Variants in NLRC4 observed in about 807,000 individuals in gnomAD.
The protein encoded by NLRC4 is NLR family CARD domain containing 4, also known as NLR family CARD domain-containing protein 4.
Under a neutral mutation model 79.9 loss-of-function variants are expected in NLRC4, and 63 were observed. The ratio of observed to expected loss-of-function variants is 0.79; its 90% CI spans 0.64 to 0.97. NLRC4 has a LOEUF of 0.97. Among genes scored for constraint, NLRC4 ranks in the 50% least tolerant of loss-of-function variants. The probability of loss-of-function intolerance (pLI) is 0.00; values close to 1 mark genes in which losing one functional copy is unlikely to be tolerated. For synonymous variants in NLRC4, 461 were observed against 456.5 expected, an observed-to-expected ratio of 1.01 and a Z score of -0.12; for missense variants, 1,074 against 1,215.2, an observed-to-expected ratio of 0.88 and a Z score of 1.73.
intron 8 of NLRC4, among the ~76,000 whole-genome samples, chr2:32,233,175 A>G (rs1573471617): frequency 1.2e-5 from 1 of 82,644 alleles, no homozygotes; most frequent in African/African-American, 4.9e-5. Flanking sequence ...GAAGGAAGGA[A>G]GGAAGGAAGG....
At chr2:32,226,678 T>G (rs930801103) in intron 8 of NLRC4, among the ~76,000 whole-genome samples, 4 of 152,166 alleles carry the variant, frequency 2.6e-5, no homozygotes, top group Admixed American at 6.5e-5. Context: ...GTCAGGAGTT[T>G]GAGACCAGCC....
chr2:32,232,173 T>A (rs1686553746), intron 8 of NLRC4, among the ~76,000 whole-genome samples: 1 of 152,204 alleles, frequency 6.6e-6, no homozygotes, highest in African/African-American at 2.4e-5. Context: ...TCACCACTGT[T>A]AATGTTGACC....
chr2:32,249,830 T>C lies in NLRC4; in HGVS notation c.2034A>G (p.Arg678=). 1.2e-6 allele frequency: 2 copies of C among 1,614,230 alleles called. No homozygotes were observed. Among genetic ancestry groups the C allele is most frequent in the Non-Finnish European group, 1.7e-6 (2 of 1,180,034 alleles). ...CAGAGCTGAATATTTTCCCCAGATA[T>C]CTGATATCTTGCTTATTCAACTTGC... ...DFSKLNKQDI[R]YLGKIFSSAT... is the part of the protein sequence containing the mutation. Residue 678 remains arginine, a synonymous_variant, in exon 4 of 9, where the codon AGA becomes AGG. Transcript: ENST00000402280.
chr2:32,256,853 C>G lies in NLRC4; in HGVS notation c.-78G>C. The G allele has an allele frequency of 1.3e-6, 1 of 763,214 alleles. No homozygotes were observed. The allele number at this position is 763,214 out of a possible 1,614,324, so 47.3% of individuals were successfully genotyped here. On this transcript the variant is annotated 5_prime_UTR_variant, in exon 2 of 9. Coordinates refer to ENST00000402280, the MANE Select transcript of NLRC4 (RefSeq NM_001199138.2). The stretch of plus-strand genomic sequence containing the variant: ...TCCAAATGGAAAGGTCAAAGGTGAT[C>G]CCAATATTGTCCTCTTTTTTCTGTA...
At chr2:32,259,296 CAG>C (rs1687284379) in intron 1 of NLRC4, among the ~76,000 whole-genome samples, 1 of 46,576 alleles carries the variant, frequency 2.1e-5, no homozygotes, top group Non-Finnish European at 4.1e-5. Context: ...TTTTTAGAGA[CAG>C]AGTTTTGCCG....
At chr2:32,260,187 C>T (rs1558463319) in intron 1 of NLRC4, among the ~76,000 whole-genome samples, 3 of 140,214 alleles carry the variant, frequency 2.1e-5, no homozygotes, top group Non-Finnish European at 4.5e-5. Context: ...CAAGATCGTG[C>T]CACCACACTC....
At chr2:32,228,886 C>T (rs529332221) in intron 8 of NLRC4, among the ~76,000 whole-genome samples, 1 of 152,080 alleles carries the variant, frequency 6.6e-6, no homozygotes, top group African/African-American at 2.4e-5. Flanking sequence ...GCCAACTCAG[C>T]TTCCCGTATA....
intron 4 of NLRC4, among the ~76,000 whole-genome samples, chr2:32,248,250 GC>G (rs1203279291): frequency 3.3e-5 from 5 of 151,808 alleles, no homozygotes; most frequent in Admixed American, 6.6e-5. Flanking sequence ...AAAATCCTAA[GC>G]CCCCCACCAA....
chr2:32,251,535 T>C lies in NLRC4; in HGVS notation c.329A>G (p.His110Arg). ...DLAQDLKDLY[H>R]TPSFLNFYPL... Reference sequence around the variant, plus strand: ...ATAAAAGTTCAGAAAAGATGGGGTATGGTACAAGTCCTTTAAATCCTGAGC... The same window carrying C: ...ATAAAAGTTCAGAAAAGATGGGGTACGGTACAAGTCCTTTAAATCCTGAGC... The change falls in exon 4 of 9, where the codon CAT becomes CGT. Residue 110 changes from histidine (H) to arginine (R), a missense_variant. By Grantham distance (29) the His-to-Arg change is conservative. Coordinates refer to ENST00000402280, the MANE Select transcript of NLRC4 (RefSeq NM_001199138.2). 6.2e-7 allele frequency: 1 copy of C among 1,613,994 alleles called. No individual in the cohort carries two copies. The highest frequency in any genetic ancestry group is 8.5e-7 in the Non-Finnish European group (1 of 1,179,870).
At chr2:32,247,462 G>C (rs1440017387) in intron 4 of NLRC4, among the ~76,000 whole-genome samples, 2 of 151,198 alleles carry the variant, frequency 1.3e-5, no homozygotes, top group Non-Finnish European at 3.0e-5. Flanking sequence ...CTACAGGCAT[G>C]TGCCACCACG....
intron 6 of NLRC4, 144 bp downstream of exon 6, chr2:32,237,988 C>T (rs1170184005): frequency 2.0e-6 from 1 of 512,130 alleles, no homozygotes; most frequent in African/African-American, 2.0e-5. Context: ...TCATTAAAAA[C>T]AATCTGCTTA....
chr2:32,261,023 T>TTTA (rs1687330501), intron 1 of NLRC4, among the ~76,000 whole-genome samples: 1 of 151,794 alleles, frequency 6.6e-6, no homozygotes, highest in Non-Finnish European at 1.5e-5. Flanking sequence ...AAACCCTGTC[T>TTTA]CTACTAAAAA....
chr2:32,229,035 G>T (rs1649629954), intron 8 of NLRC4, among the ~76,000 whole-genome samples: 1 of 151,964 alleles, frequency 6.6e-6, no homozygotes, highest in Admixed American at 6.6e-5. Flanking sequence ...CGAAGTGCTG[G>T]GATTACAGGC....
intron 8 of NLRC4, among the ~76,000 whole-genome samples, chr2:32,233,349 A>ATATATATATT (rs1418146489): frequency 1.0e-3 from 43 of 41,080 alleles, no homozygotes; most frequent in African/African-American, 1.1e-3. Context: ...ATATATATAT[A>ATATATATATT]TTTTTTTTTT....
chr2:32,254,743 C>A (rs952710190), intron 2 of NLRC4, among the ~76,000 whole-genome samples: 1 of 151,462 alleles, frequency 6.6e-6, no homozygotes, highest in African/African-American at 2.4e-5. Flanking sequence ...CTCGGCCTCC[C>A]AAGCAGCTGG....
At chr2:32,233,337 ATATATATATATATTTTT>A (rs1182530516) in intron 8 of NLRC4, among the ~76,000 whole-genome samples, 43 of 42,706 alleles carry the variant, frequency 1.0e-3, no homozygotes, top group East Asian at 4.6e-3. Context: ...ATATATATAT[ATATATATATATATTTTT>A]TTTTTTTTTT....
rs1468115171 is a variant in NLRC4 at position 32,252,471 on chromosome 2, A to C, written c.210T>G (p.Leu70=). 4 of 1,610,922 alleles carry C rather than the reference A, an allele frequency of 2.5e-6. No homozygotes were observed. In the East Asian group the frequency reaches 8.9e-5, roughly 36 times the overall value. ...KKGSESCNLF[L]KSLKEWNYPL... is the part of the protein sequence containing the mutation. The stretch of plus-strand genomic sequence containing the variant: ...GATAGTTCCACTCCTTAAGGGATTT[A>C]AGAAAGAGGTTACAGGACTCTGAAC... The change falls in exon 3 of 9, where the codon CTT becomes CTG. Residue 70 remains leucine, a synonymous_variant. Transcript: ENST00000402280.
intron 1 of NLRC4, among the ~76,000 whole-genome samples, chr2:32,263,780 A>G (rs1248729392): frequency 6.6e-6 from 1 of 152,198 alleles, no homozygotes; most frequent in Non-Finnish European, 1.5e-5. Context: ...CACCCAGTCT[A>G]TGGTATTTTA....
In NLRC4 at chr2:32,233,184, GGAAGGAAGGA is replaced by G. The variant is rs1558447031; in HGVS notation, c.2782+2207_2782+2216del. 3.7e-3 allele frequency among the ~76,000 whole-genome samples: 348 copies of G among 93,710 alleles called. 7 individuals are homozygous for G. The highest frequency in any genetic ancestry group is 0.016 in the South Asian group (34 of 2,174). 61.5% of individuals were successfully genotyped at this position (93,710 alleles called of 152,430 possible). The stretch of plus-strand genomic sequence containing the variant: ...AGGAAGGAAGGAAGGAAGGAAGGAA[GGAAGGAAGGA>G]AGGGAGGGAGGGAAAGGAAGAAGGA... On this transcript the variant is annotated intron_variant, in intron 8 of 8. Coordinates refer to ENST00000402280, the MANE Select transcript of NLRC4 (RefSeq NM_001199138.2).
Sources: allele counts gnomAD v4.1 joint callset (sites outside exome capture counted in the v4.1 genomes callset), GRCh38; gene constraint gnomAD v4.1.1; transcripts MANE v1.5; gene names NCBI Gene and HGNC (gene_info 2026-07-23, HGNC 2026-07-21).